PLGRKT: variants seen among roughly 807,000 people sequenced by gnomAD.
The protein encoded by PLGRKT is plasminogen receptor with a C-terminal lysine.
Under a neutral mutation model 18.5 loss-of-function variants are expected in PLGRKT, and 22 were observed. That is an observed-to-expected ratio of 1.19 (90% CI 0.85 to 1.70). PLGRKT has a LOEUF of 1.70. PLGRKT is among the 40% of genes most tolerant of loss of function. The pLI is 0.00. For synonymous variants in PLGRKT, 72 were observed against 52.8 expected (o/e 1.36, Z -1.58); for missense variants, 235 against 174.4 (o/e 1.35, Z -1.96).
At chr9:5,421,679 T>C (rs1818577992) in intron 3 of PLGRKT, among the ~76,000 whole-genome samples, 1 of 152,248 alleles carries the variant, frequency 6.6e-6, no homozygotes, top group Non-Finnish European at 1.5e-5. Flanking sequence ...AATTCTTGTA[T>C]GTGGGACATC....
chr9:5,400,622 C>T (rs1159220035), intron 3 of PLGRKT, among the ~76,000 whole-genome samples: 1 of 151,902 alleles, frequency 6.6e-6, no homozygotes, highest in African/African-American at 2.4e-5. Flanking sequence ...AAGAAAAGCA[C>T]TGTGTAAAAT....
intron 3 of PLGRKT, among the ~76,000 whole-genome samples, chr9:5,365,223 G>A (rs1039657691): frequency 6.6e-6 from 1 of 152,140 alleles, no homozygotes; most frequent in African/African-American, 2.4e-5. Context: ...GTGCCAGAAA[G>A]TCAAGAGATA....
At chr9:5,370,625 C>A (rs540623499) in intron 3 of PLGRKT, among the ~76,000 whole-genome samples, 1 of 152,168 alleles carries the variant, frequency 6.6e-6, no homozygotes, top group Non-Finnish European at 1.5e-5. Context: ...AGTTATTCTA[C>A]ATGTTCTACC....
At position 5,424,330 on chromosome 9, in the gene PLGRKT, TATATA is replaced by T. The variant is rs1191628396; in HGVS notation, c.81+7562_81+7566del. Among the ~76,000 whole-genome samples the T allele has an allele frequency of 1.4e-3, 194 of 135,164 alleles. 1 individual carries two copies. The highest frequency in any genetic ancestry group is 8.7e-3 in the South Asian group (40 of 4,610). The allele number at this position is 135,164 out of a possible 152,430, so 88.7% of individuals were successfully genotyped here. Reference sequence around the variant, plus strand: ...AATGTGATGTGTACCTATAGTATTATATATAATATATTATCATTAATAACATATAA... The same window carrying T: ...AATGTGATGTGTACCTATAGTATTATATATATTATCATTAATAACATATAA... On this transcript the variant is annotated intron_variant, in intron 3 of 5. Transcript: ENST00000223864.
At chr9:5,432,341 G>T (rs1176277458) in intron 2 of PLGRKT, among the ~76,000 whole-genome samples, 1 of 152,148 alleles carries the variant, frequency 6.6e-6, no homozygotes, top group Non-Finnish European at 1.5e-5. Context: ...TGAGGGGAAG[G>T]GTGGATACCA....
At chr9:5,423,511 T>C (rs1420816200) in intron 3 of PLGRKT, among the ~76,000 whole-genome samples, 3 of 152,154 alleles carry the variant, frequency 2.0e-5, no homozygotes, top group African/African-American at 4.8e-5. Context: ...ACTTGTTTCT[T>C]CCCTCATATT....
upstream of PLGRKT, among the ~76,000 whole-genome samples, chr9:5,438,322 C>G (rs928261502): frequency 6.6e-6 from 1 of 152,236 alleles, no homozygotes; most frequent in African/African-American, 2.4e-5. Context: ...GTCTCTCTCC[C>G]AGCCTGAGAG....
At chr9:5,387,178 G>C (rs1817859933) in intron 3 of PLGRKT, among the ~76,000 whole-genome samples, 2 of 151,894 alleles carry the variant, frequency 1.3e-5, no homozygotes, top group Non-Finnish European at 2.9e-5. Flanking sequence ...GACCATATTA[G>C]AGTACAGGAG....
At chr9:5,380,552 C>T (rs1007989373) in intron 3 of PLGRKT, among the ~76,000 whole-genome samples, 2 of 152,056 alleles carry the variant, frequency 1.3e-5, no homozygotes, top group African/African-American at 4.8e-5. Flanking sequence ...TCACTGATTC[C>T]ACTTTTTAAA....
At chr9:5,402,777 A>C (rs2131130521) in intron 3 of PLGRKT, among the ~76,000 whole-genome samples, 1 of 152,136 alleles carries the variant, frequency 6.6e-6, no homozygotes, top group South Asian at 2.1e-4. Context: ...ATCAGTTTCA[A>C]AATTTTTATA....
chr9:5,406,201 C>A (rs562385423), intron 3 of PLGRKT, among the ~76,000 whole-genome samples: 157 of 152,270 alleles, frequency 1.0e-3, no homozygotes, highest in Non-Finnish European at 1.5e-3. Flanking sequence ...GACAGTATGG[C>A]AATTTCTCAA....
intron 1 of PLGRKT, among the ~76,000 whole-genome samples, chr9:5,437,329 C>G (rs1223050062): frequency 6.6e-6 from 1 of 152,170 alleles, no homozygotes; most frequent in Non-Finnish European, 1.5e-5. Flanking sequence ...GACACATTGC[C>G]TGAATGTATG....
intron 3 of PLGRKT, among the ~76,000 whole-genome samples, chr9:5,410,247 C>T (rs958241759): frequency 2.6e-5 from 4 of 151,986 alleles, no homozygotes; most frequent in African/African-American, 9.7e-5. Context: ...TAGAAATTAA[C>T]AGAAGTGGGT....
intron 3 of PLGRKT, among the ~76,000 whole-genome samples, chr9:5,389,258 G>C (rs1325899540): frequency 6.6e-6 from 1 of 151,914 alleles, no homozygotes; most frequent in East Asian, 1.9e-4. Flanking sequence ...AGTCAGCAGG[G>C]GGGATGCTTG....
chr9:5,438,141 G>A (rs193149959), upstream of PLGRKT, among the ~76,000 whole-genome samples: 5 of 152,320 alleles, frequency 3.3e-5, no homozygotes, highest in Admixed American at 1.3e-4. Context: ...CCCCTCATCT[G>A]TTAAATTGGC....
chr9:5,429,765 T>C (rs1286906561), intron 3 of PLGRKT, among the ~76,000 whole-genome samples: 2 of 152,178 alleles, frequency 1.3e-5, no homozygotes, highest in Non-Finnish European at 2.9e-5. Context: ...CTTCAACATA[T>C]GAATTTGGAG....
intron 1 of PLGRKT, chr9:5,437,484 G>A (rs1350069785): frequency 6.6e-6 from 1 of 152,236 alleles, no homozygotes; most frequent in Non-Finnish European, 1.5e-5. Flanking sequence ...GCCAGTTACT[G>A]TAATTTAGGT....
intron 3 of PLGRKT, among the ~76,000 whole-genome samples, chr9:5,425,172 T>C (rs1818672182): frequency 6.6e-6 from 1 of 152,216 alleles, no homozygotes; most frequent in African/African-American, 2.4e-5. Context: ...TCTTCCCTCA[T>C]TCTCAAAATG....
In PLGRKT at chr9:5,374,605, T is replaced by C. The variant is rs147250870; in HGVS notation, c.82-12717A>G. ...AAATTGGGTTCAAATTCTAGTTCTA[T>C]TATGTGATTGTGGGCAAGGTCCCCA... On this transcript the variant is annotated intron_variant, in intron 3 of 5. Coordinates refer to ENST00000223864, the MANE Select transcript of PLGRKT (RefSeq NM_018465.4). Among the ~76,000 whole-genome samples, 20 of 152,296 alleles carry C rather than the reference T, an allele frequency of 1.3e-4. No individual in the cohort carries two copies. The East Asian group carries it at 3.7e-3, about 28-fold the overall frequency.
Sources: gnomAD v4.1 joint callset for allele counts (sites outside exome capture counted in the v4.1 genomes callset) on GRCh38, gnomAD v4.1.1 for gene constraint, MANE v1.5 for transcripts, NCBI Gene and HGNC (gene_info 2026-07-23, HGNC 2026-07-21) for gene names.